Variants in SCAF8 observed in about 807,000 individuals in gnomAD.
SCAF8 encodes the protein SR-related and CTD-associated factor 8.
Under a neutral mutation model 140.5 loss-of-function variants are expected in SCAF8, and 23 were observed. That is an observed-to-expected ratio of 0.16 (90% CI 0.12 to 0.23). The LOEUF (loss-of-function observed/expected upper bound fraction) is 0.23. Among genes scored for constraint, SCAF8 ranks in the 10% least tolerant of loss-of-function variants. SCAF8 has a pLI of 1.00. For synonymous variants in SCAF8, 575 were observed against 528.9 expected (o/e 1.09, Z -1.20); for missense variants, 1,397 against 1,555.7 (o/e 0.90, Z 1.72).
intron 3 of SCAF8, among the ~76,000 whole-genome samples, chr6:154,785,307 T>C (rs1461555765): frequency 6.6e-6 from 1 of 152,314 alleles, no homozygotes; most frequent in Non-Finnish European, 1.5e-5. Context: ...CAGTGTAATA[T>C]TTACATATGT....
Position 154,824,218 on chromosome 6 carries a change from T to G in SCAF8, c.1927-16T>G. The G allele has an allele frequency of 6.2e-7, 1 of 1,611,148 alleles. No homozygotes were observed. The highest frequency in any genetic ancestry group is 8.5e-7 in the Non-Finnish European group (1 of 1,178,898). On this transcript the variant is annotated splice_polypyrimidine_tract_variant and intron_variant, in intron 16 of 19. Coordinates refer to ENST00000367178, the MANE Select transcript of SCAF8 (RefSeq NM_014892.5). ...GAATAAACTGATGAGTGAACTTTTTTGTCTATCCACAAAAGATTCCAGTGG... is the reference window on the plus strand; with the variant it reads ...GAATAAACTGATGAGTGAACTTTTTGGTCTATCCACAAAAGATTCCAGTGG...
intron 1 of SCAF8, among the ~76,000 whole-genome samples, chr6:154,763,408 A>G (rs1279321716): frequency 6.6e-6 from 1 of 152,180 alleles, no homozygotes; most frequent in East Asian, 1.9e-4. Flanking sequence ...TGGGTTGATT[A>G]CATTTAGTTA....
chr6:154,754,758 TC>T (rs1778921975), intron 1 of SCAF8, among the ~76,000 whole-genome samples: 2 of 152,240 alleles, frequency 1.3e-5, no homozygotes, highest in African/African-American at 4.8e-5. Context: ...CTACTTATTC[TC>T]CCTTTGTTAT....
chr6:154,802,201 T>G, intron 7 of SCAF8, 54 bp downstream of exon 7: 4 of 1,042,846 alleles, frequency 3.8e-6, no homozygotes, highest in Non-Finnish European at 4.0e-6. Context: ...TATTATATAC[T>G]ATCATGGATT....
chr6:154,824,455 C>A lies in SCAF8; in HGVS notation c.2071+77C>A, dbSNP rs1008127172. On this transcript the variant is annotated intron_variant, in intron 17 of 19. Coordinates refer to ENST00000367178, the MANE Select transcript of SCAF8 (RefSeq NM_014892.5). ...TTGTGTTTCTTCCAGATTTAAGTAC[C>A]ATAGAGCAGTGGTTCTGAGACCTTA... is the stretch of plus-strand genomic sequence containing the variant. 16 of 1,334,464 alleles carry A rather than the reference C, an allele frequency of 1.2e-5. No homozygotes were observed. The African/African-American group carries it at 1.3e-4, about 11-fold the overall frequency. The allele number at this position is 1,334,464 out of a possible 1,614,324, so 82.7% of individuals were successfully genotyped here.
At chr6:154,747,108 C>CT (rs1202005700) in intron 1 of SCAF8, among the ~76,000 whole-genome samples, 2 of 152,162 alleles carry the variant, frequency 1.3e-5, no homozygotes, top group Admixed American at 6.5e-5. Flanking sequence ...AATTTATTCT[C>CT]TTATGAGTGG....
chr6:154,768,015 T>C (rs185536581), intron 1 of SCAF8, among the ~76,000 whole-genome samples: 43 of 152,318 alleles, frequency 2.8e-4, no homozygotes, highest in Admixed American at 2.4e-3. Flanking sequence ...GCCTTTCTTA[T>C]AACAATTCTG....
chr6:154,770,777 G>C (rs985781174), intron 1 of SCAF8, among the ~76,000 whole-genome samples: 1 of 152,076 alleles, frequency 6.6e-6, no homozygotes, highest in Non-Finnish European at 1.5e-5. Context: ...ACAAAGCCTC[G>C]CTCTGTCACC....
At chr6:154,802,909 A>G (rs1414807715) in intron 7 of SCAF8, among the ~76,000 whole-genome samples, 1 of 150,682 alleles carries the variant, frequency 6.6e-6, no homozygotes, top group Non-Finnish European at 1.5e-5. Flanking sequence ...AATTATTAAT[A>G]ATTAAAGTGT....
chr6:154,783,854 G>A (rs1161606295), intron 3 of SCAF8, among the ~76,000 whole-genome samples: 2 of 151,970 alleles, frequency 1.3e-5, no homozygotes, highest in Non-Finnish European at 2.9e-5. Flanking sequence ...GATCACTTGA[G>A]AGGTCAGGAG....
chr6:154,744,799 A>AT (rs1481821722), intron 1 of SCAF8, among the ~76,000 whole-genome samples: 1 of 152,194 alleles, frequency 6.6e-6, no homozygotes, highest in Non-Finnish European at 1.5e-5. Context: ...ATGATGAATA[A>AT]TTTTTATGTA....
intron 1 of SCAF8, among the ~76,000 whole-genome samples, chr6:154,750,839 TA>T (rs1778819734): frequency 6.6e-6 from 1 of 152,200 alleles, no homozygotes; most frequent in South Asian, 2.1e-4. Context: ...ACAATTCTGG[TA>T]TTTTTTTTGC....
rs569871397 is a variant in SCAF8 at position 154,737,868 on chromosome 6, C to T, written c.30+3938C>T. On this transcript the variant is annotated intron_variant, in intron 1 of 19. Transcript: ENST00000367178. Reference sequence around the variant, plus strand: ...AAGTGCTGGGATTACAGGCCTAAGCCGTGGTGCCTGCCCCAAATTAAATGT... The same window carrying T: ...AAGTGCTGGGATTACAGGCCTAAGCTGTGGTGCCTGCCCCAAATTAAATGT... Among the ~76,000 whole-genome samples, 203 of 152,220 alleles carry T rather than the reference C, an allele frequency of 1.3e-3. 1 individual carries two copies. The highest frequency in any genetic ancestry group is 2.4e-3 in the Non-Finnish European group (162 of 68,020).
Position 154,832,232 on chromosome 6 carries a change from G to C in SCAF8, c.2653G>C (p.Val885Leu). ...ACCTAACAATTCTGGACTTGTAGGAGTACAGCCACCAAATGTTCCAAATAC... is the reference window on the plus strand; with the variant it reads ...ACCTAACAATTCTGGACTTGTAGGACTACAGCCACCAAATGTTCCAAATAC... The part of the protein sequence containing the change: ...NIPNNSGLVG[V>L]QPPNVPNTPG... The change falls in exon 20 of 20, where the codon GTA (valine) becomes CTA (leucine). Residue 885 changes from valine (V) to leucine (L), a missense_variant. Val to Leu is a conservative substitution (Grantham distance 32). Around this residue, in one of 5 missense-constraint regions of SCAF8, gnomAD observed 930 missense variants for 874.6 expected, o/e 1.06. Coordinates refer to ENST00000367178, the MANE Select transcript of SCAF8 (RefSeq NM_014892.5). 1 of 1,614,100 alleles carries C rather than the reference G, an allele frequency of 6.2e-7. No individual in the cohort carries two copies. Among genetic ancestry groups the C allele is most frequent in the African/African-American group, 1.3e-5 (1 of 75,006 alleles).
chr6:154,744,525 G>A (rs1437166317), intron 1 of SCAF8, among the ~76,000 whole-genome samples: 1 of 152,134 alleles, frequency 6.6e-6, no homozygotes. Context: ...TGGTTGGATA[G>A]GTGTCATCCC....
intron 4 of SCAF8, among the ~76,000 whole-genome samples, chr6:154,789,796 T>G (rs2114873678): frequency 6.6e-6 from 1 of 152,230 alleles, no homozygotes; most frequent in South Asian, 2.1e-4. Flanking sequence ...CCGCCTGCCT[T>G]GGCCTCCCAA....
intron 1 of SCAF8, among the ~76,000 whole-genome samples, chr6:154,754,608 A>G (rs1235746779): frequency 6.6e-6 from 1 of 152,222 alleles, no homozygotes; most frequent in Non-Finnish European, 1.5e-5. Context: ...AATAATTGAC[A>G]GTGGACCTCA....
Position 154,771,818 on chromosome 6 carries a change from C to T in SCAF8, c.31-2171C>T, listed in dbSNP as rs75854115. Among the ~76,000 whole-genome samples, 1,184 of 152,176 alleles carry T rather than the reference C, an allele frequency of 7.8e-3. 21 individuals carry two copies. The highest frequency in any genetic ancestry group is 0.027 in the African/African-American group (1,121 of 41,472). Reference sequence around the variant, plus strand: ...GATGGGAATTTTTTGTACCGCAAACCTCAGCATCACAAAATACACCCAGTG... The same window carrying T: ...GATGGGAATTTTTTGTACCGCAAACTTCAGCATCACAAAATACACCCAGTG... On this transcript the variant is annotated intron_variant, in intron 1 of 19. Transcript: ENST00000367178.
rs780532609 is a variant in SCAF8 at position 154,818,473 on chromosome 6, T to A, written c.1522-6T>A. On this transcript the variant is annotated splice_polypyrimidine_tract_variant and splice_region_variant and intron_variant, in intron 13 of 19. Transcript: ENST00000367178. Reference sequence around the variant, plus strand: ...TACCTTTTCTTAAAACAATTTTTTTTATTAGATGATTCCTCCCCGGGGCTG... The same window carrying A: ...TACCTTTTCTTAAAACAATTTTTTTAATTAGATGATTCCTCCCCGGGGCTG... 7.8e-6 allele frequency: 12 copies of A among 1,531,286 alleles called. No individual in the cohort carries two copies. The highest frequency in any genetic ancestry group is 1.2e-5 in the South Asian group (1 of 81,898). The allele number at this position is 1,531,286 out of a possible 1,614,324, so 94.9% of individuals were successfully genotyped here. A position where few individuals can be genotyped will look rare whatever the true frequency, so the allele number is the denominator to read the frequency against.
Sources: allele counts gnomAD v4.1 joint callset (sites outside exome capture counted in the v4.1 genomes callset), GRCh38; gene constraint gnomAD v4.1.1; regional missense constraint gnomAD v4.1.1; transcripts MANE v1.5; gene names NCBI Gene and HGNC (gene_info 2026-07-23, HGNC 2026-07-21).